EDC3: variants seen among roughly 807,000 people sequenced by gnomAD.
The protein encoded by EDC3 is enhancer of mRNA-decapping protein 3.
A neutral mutation model predicts 41.8 loss-of-function variants in EDC3; 20 were observed. The observed-to-expected ratio is 0.48, with a 90% CI of 0.34 to 0.70. The LOEUF (loss-of-function observed/expected upper bound fraction) is 0.70, where lower values mean the gene tolerates loss of function less well. Ranked by LOEUF, EDC3 falls within the 30% of genes least tolerant of loss-of-function variation. EDC3 has a pLI of 0.01. For missense variants in EDC3, 444 were observed against 636.8 expected, an observed-to-expected ratio of 0.70 and a Z score of 3.26; for synonymous variants, 206 against 243.2, an observed-to-expected ratio of 0.85 and a Z score of 1.42.
chr15:74,642,465 C>T (rs1290227703), intron 4 of EDC3: 1 of 152,200 alleles, frequency 6.6e-6, no homozygotes, highest in Non-Finnish European at 1.5e-5. Context: ...TTCAGACACG[C>T]ACATATTATC....
At position 74,644,849 on chromosome 15, in the gene EDC3, C is replaced by T. The variant is rs149172918; in HGVS notation, c.821-4230G>A. On this transcript the variant is annotated intron_variant, in intron 4 of 6. Transcript: ENST00000315127. ...ATTATGAAGGGAAAAATTATCTTTA[C>T]GAGGAAGAAATCTGGTGGTCAACAC... is the stretch of plus-strand genomic sequence containing the variant. The T allele has an allele frequency of 9.0e-4, 137 of 152,088 alleles. 1 individual carries two copies. Among genetic ancestry groups the T allele is most frequent in the African/African-American group, 3.1e-3 (130 of 41,470 alleles). 9.4% of individuals were successfully genotyped at this position (152,088 alleles called of 1,614,324 possible). A position where few individuals can be genotyped will look rare whatever the true frequency, so the allele number is the denominator to read the frequency against.
Position 74,635,637 on chromosome 15 carries a change from A to T in EDC3, c.975-11T>A. 6.2e-7 allele frequency: 1 copy of T among 1,611,034 alleles called. No individual in the cohort carries two copies. The highest frequency in any genetic ancestry group is 1.1e-5 in the South Asian group (1 of 91,002). ...TTTTTGGGATTCAACCTGGAAAAGA[A>T]GGTGAAGAAGCAGTATCAGCTACAT... On this transcript the variant is annotated splice_polypyrimidine_tract_variant and intron_variant, in intron 5 of 6. Transcript: ENST00000315127.
chr15:74,690,568 T>A (rs189874803), intron 1 of EDC3, among the ~76,000 whole-genome samples: 1 of 152,378 alleles, frequency 6.6e-6, no homozygotes, highest in East Asian at 1.9e-4. Context: ...TGAGTAGTTA[T>A]AGATTTCTGA....
chr15:74,678,322 T>G (rs1022212740), intron 1 of EDC3, among the ~76,000 whole-genome samples: 4 of 152,120 alleles, frequency 2.6e-5, no homozygotes, highest in Non-Finnish European at 5.9e-5. Context: ...GAGGGCTTAC[T>G]GGGGGACAAC....
chr15:74,695,180 TTC>T (rs1412519419), intron 1 of EDC3: 1 of 152,164 alleles, frequency 6.6e-6, no homozygotes, highest in Non-Finnish European at 1.5e-5. Context: ...TCAGTTGATT[TTC>T]AACTAATCTC....
At chr15:74,660,520 G>A (rs1304951006) in intron 3 of EDC3, among the ~76,000 whole-genome samples, 1 of 151,510 alleles carries the variant, frequency 6.6e-6, no homozygotes, top group Non-Finnish European at 1.5e-5. Flanking sequence ...TTTTACATAT[G>A]TGGGTGAAAA....
At chr15:74,663,900 A>T (rs2062649964) in intron 3 of EDC3, among the ~76,000 whole-genome samples, 1 of 152,174 alleles carries the variant, frequency 6.6e-6, no homozygotes, top group African/African-American at 2.4e-5. Flanking sequence ...TGCCTTAATG[A>T]TGCTGGGCAC....
At position 74,671,695 on chromosome 15, in the gene EDC3, T is replaced by C; in HGVS notation, c.244A>G (p.Thr82Ala). Residue 82 changes from threonine (T) to alanine (A), a missense_variant, in exon 3 of 7, where the codon ACA becomes GCA. By Grantham distance (58) the Thr-to-Ala change is moderately conservative (BLOSUM62 0). Around this residue, in one of 3 missense-constraint regions of EDC3, gnomAD observed 200 missense variants for 244.0 expected, o/e 0.82. Coordinates refer to ENST00000315127, the MANE Select transcript of EDC3 (RefSeq NM_025083.5). This position sits in a 1 kb window ranked among gnomAD's most constrained non-coding sequence, Gnocchi z 4.6. ...CCAGCACCAGAGGGGCCTAATTCTG[T>C]TTGATGAAGGTCTCCAAAATGTTGG... ...DNQHFGDLHQ[T>A]ELGPSGAGCQ... 1.2e-6 allele frequency: 2 copies of C among 1,614,130 alleles called. No individual in the cohort carries two copies. Among genetic ancestry groups the C allele is most frequent in the South Asian group, 1.1e-5 (1 of 91,078 alleles).
chr15:74,660,867 A>G (rs1389655584), intron 3 of EDC3, among the ~76,000 whole-genome samples: 1 of 152,216 alleles, frequency 6.6e-6, no homozygotes, highest in African/African-American at 2.4e-5. Context: ...ATGAAGTTCC[A>G]TGCCAGCCAA....
chr15:74,671,509 T>C lies in EDC3; in HGVS notation c.430A>G (p.Arg144Gly), dbSNP rs113901995. ...GACTGACTCAAGGATTCCATGTGCC[T>C]GTCGACATAGCTCTTTGAGCACTGT... is the stretch of plus-strand genomic sequence containing the variant. ...QQQCSKSYVD[R>G]HMESLSQSKS... The change falls in exon 3 of 7, where the codon AGG becomes GGG. Residue 144 changes from arginine to glycine, a missense_variant. Physicochemically the swap from Arg to Gly is moderately radical, Grantham distance 125 (BLOSUM62 -2). This residue lies in a region of EDC3 where 200 missense variants were observed against 244.0 expected (regional missense o/e 0.82). Coordinates refer to ENST00000315127, the MANE Select transcript of EDC3 (RefSeq NM_025083.5). This position sits in a 1 kb window ranked among gnomAD's most constrained non-coding sequence, Gnocchi z 4.6. 1 of 1,613,978 alleles carries C rather than the reference T, an allele frequency of 6.2e-7. No homozygotes were observed. The highest frequency in any genetic ancestry group is 8.5e-7 in the Non-Finnish European group (1 of 1,179,994).
At chr15:74,693,424 C>A (rs2141692743) in intron 1 of EDC3, among the ~76,000 whole-genome samples, 1 of 152,284 alleles carries the variant, frequency 6.6e-6, no homozygotes. Flanking sequence ...ATATTGAGAT[C>A]TTTTCCCATT....
chr15:74,632,471 TAAG>T lies in EDC3; in HGVS notation c.*138_*140del, dbSNP rs1299636711. 1.5e-5 allele frequency: 16 copies of T among 1,037,756 alleles called. No homozygotes were observed. The highest frequency in any genetic ancestry group is 2.1e-5 in the Non-Finnish European group (15 of 728,526). The allele number at this position is 1,037,756 out of a possible 1,614,324, so 64.3% of individuals were successfully genotyped here. On this transcript the variant is annotated 3_prime_UTR_variant, in exon 7 of 7. Coordinates refer to ENST00000315127, the MANE Select transcript of EDC3 (RefSeq NM_025083.5). This position sits in a 1 kb window ranked among gnomAD's most constrained non-coding sequence, Gnocchi z 4.0. ...CTAAGAGCAAGTGACAGGTCAGTTTTAAGTAAGTTCTGTTCTCTCACAGAAGAA... is the reference window on the plus strand; with the variant it reads ...CTAAGAGCAAGTGACAGGTCAGTTTTTAAGTTCTGTTCTCTCACAGAAGAA...
intron 4 of EDC3, among the ~76,000 whole-genome samples, chr15:74,649,901 T>A (rs1343328994): frequency 2.6e-5 from 4 of 151,728 alleles, no homozygotes; most frequent in African/African-American, 9.7e-5. Context: ...TGGCCCACTA[T>A]AAATTCGTGC....
At chr15:74,644,900 G>C (rs1173301882) in intron 4 of EDC3, 1 of 152,150 alleles carries the variant, frequency 6.6e-6, no homozygotes, top group Non-Finnish European at 1.5e-5. Context: ...AACAGCCCCA[G>C]TGATGGGACA....
chr15:74,635,240 C>T, intron 6 of EDC3, 169 bp downstream of exon 6: 1 of 717,282 alleles, frequency 1.4e-6, no homozygotes, highest in East Asian at 2.7e-5. Flanking sequence ...GAGGGAGAAG[C>T]ATAAGGGGAT....
chr15:74,683,820 T>A (rs1303901941), intron 1 of EDC3, among the ~76,000 whole-genome samples: 1 of 152,084 alleles, frequency 6.6e-6, no homozygotes, highest in Non-Finnish European at 1.5e-5. Flanking sequence ...TGGACAAAAT[T>A]TAACAATCAT....
intron 1 of EDC3, among the ~76,000 whole-genome samples, chr15:74,690,682 C>G: frequency 6.6e-6 from 1 of 152,194 alleles, no homozygotes; most frequent in Non-Finnish European, 1.5e-5. Flanking sequence ...CATGATGGCT[C>G]AGGCCCTACA....
chr15:74,641,681 G>T (rs2062353772), intron 4 of EDC3: 1 of 152,932 alleles, frequency 6.5e-6, no homozygotes, highest in Non-Finnish European at 1.5e-5. Flanking sequence ...GCCACTGTGG[G>T]ACTGCACGTC....
intron 1 of EDC3, among the ~76,000 whole-genome samples, chr15:74,686,280 G>A (rs1033910493): frequency 2.6e-5 from 4 of 151,822 alleles, no homozygotes; most frequent in Non-Finnish European, 4.4e-5. Flanking sequence ...GGCTGAGATC[G>A]TGCCATTGCA....
Sources: allele counts gnomAD v4.1 joint callset (sites outside exome capture counted in the v4.1 genomes callset), GRCh38; gene constraint gnomAD v4.1.1; regional missense constraint gnomAD v4.1.1; non-coding constraint Gnocchi (gnomAD v3.1); transcripts MANE v1.5; gene names NCBI Gene and HGNC (gene_info 2026-07-23, HGNC 2026-07-21).